The following FHAD1 variants were observed in gnomAD, a reference collection of about 807,000 sequenced individuals.
FHAD1 encodes the protein forkhead associated phosphopeptide binding domain 1.
Under a neutral mutation model 191.3 loss-of-function variants are expected in FHAD1, and 146 were observed. That is an observed-to-expected ratio of 0.76 (90% CI 0.67 to 0.88). The LOEUF (loss-of-function observed/expected upper bound fraction) is 0.88. FHAD1 is among the 40% of genes least tolerant of loss of function. FHAD1 has a pLI of 0.00. For synonymous variants in FHAD1, 616 were observed against 672.3 expected, an observed-to-expected ratio of 0.92 and a Z score of 1.29; for missense variants, 1,635 against 1,785.8, an observed-to-expected ratio of 0.92 and a Z score of 1.52.
intron 26 of FHAD1, among the ~76,000 whole-genome samples, chr1:15,371,663 G>C (rs1698137893): frequency 6.6e-6 from 1 of 152,206 alleles, no homozygotes; most frequent in Admixed American, 6.5e-5. Context: ...CAGAGAGACA[G>C]AGAGCAAGGG....
intron 10 of FHAD1, among the ~76,000 whole-genome samples, chr1:15,320,002 C>T (rs566858300): frequency 3.9e-5 from 6 of 152,210 alleles, no homozygotes; most frequent in East Asian, 3.8e-4. Flanking sequence ...ATCAATTTTT[C>T]TCTAAACAAG....
chr1:15,263,361 C>A (rs1329431627), intron 2 of FHAD1, among the ~76,000 whole-genome samples: 1 of 151,880 alleles, frequency 6.6e-6, no homozygotes, highest in African/African-American at 2.4e-5. Context: ...GGTGTCATTG[C>A]CAAGAAATAA....
intron 5 of FHAD1, 63 bp downstream of exon 5, chr1:15,296,856 C>A: frequency 7.5e-7 from 1 of 1,339,506 alleles, no homozygotes; most frequent in Non-Finnish European, 1.0e-6. Context: ...AGGGACTTGC[C>A]GATGCCTGTT....
intron 1 of FHAD1, among the ~76,000 whole-genome samples, chr1:15,248,747 G>A (rs1157909281): frequency 2.7e-5 from 4 of 150,852 alleles, no homozygotes; most frequent in Non-Finnish European, 4.4e-5. Flanking sequence ...CACCATGCCC[G>A]GCTAATTTTT....
chr1:15,373,544 T>C (rs1245116387), intron 26 of FHAD1, among the ~76,000 whole-genome samples: 1 of 150,532 alleles, frequency 6.6e-6, no homozygotes, highest in Non-Finnish European at 1.5e-5. Context: ...CCTTTCTTTG[T>C]CTGTGCTCTT....
At chr1:15,331,270 A>T in intron 14 of FHAD1, among the ~76,000 whole-genome samples, 1 of 151,844 alleles carries the variant, frequency 6.6e-6, no homozygotes, top group East Asian at 1.9e-4. Flanking sequence ...GGTAATAATG[A>T]TGTATCCTCA....
At chr1:15,347,411 G>A (rs887810345) in intron 18 of FHAD1, among the ~76,000 whole-genome samples, 7 of 152,266 alleles carry the variant, frequency 4.6e-5, no homozygotes, top group East Asian at 1.9e-4. Context: ...GCTTCCTATC[G>A]GGGGAATTTG....
Position 15,381,561 on chromosome 1 carries a change from C to G in FHAD1, c.4022+110C>G. ...CCTGGGACAGGAGGACAGAGACCCA[C>G]GTGTGGAATACCTGCAATGTCAGAA... On this transcript the variant is annotated intron_variant, in intron 30 of 33. Coordinates refer to ENST00000688493, the MANE Select transcript of FHAD1 (RefSeq NM_001391957.1). This position sits in a 1 kb window ranked among gnomAD's most constrained non-coding sequence, Gnocchi z 4.6. The G allele has an allele frequency of 1.3e-6, 1 of 785,054 alleles. No homozygotes were observed. The highest frequency in any genetic ancestry group is 2.1e-6 in the Non-Finnish European group (1 of 483,828). 48.6% of individuals were successfully genotyped at this position (785,054 alleles called of 1,614,324 possible).
chr1:15,266,666 A>G (rs1653663819), intron 2 of FHAD1, among the ~76,000 whole-genome samples: 1 of 152,194 alleles, frequency 6.6e-6, no homozygotes, highest in African/African-American at 2.4e-5. Flanking sequence ...TGACATAGGC[A>G]TAATGTCAGG....
chr1:15,258,584 CTT>C (rs951362853), intron 2 of FHAD1, among the ~76,000 whole-genome samples: 10 of 131,086 alleles, frequency 7.6e-5, no homozygotes, highest in Non-Finnish European at 1.4e-4. Context: ...CTCTGTCTCT[CTT>C]TTTTTTTTTT....
intron 14 of FHAD1, among the ~76,000 whole-genome samples, chr1:15,331,004 G>A (rs1681087357): frequency 6.6e-6 from 1 of 152,068 alleles, no homozygotes; most frequent in Admixed American, 6.5e-5. Context: ...GAAGATTCAG[G>A]GGCGAGTAAG....
At chr1:15,301,515 T>C in intron 6 of FHAD1, 74 bp downstream of exon 6, 1 of 1,330,318 alleles carries the variant, frequency 7.5e-7, no homozygotes. Context: ...CCAACCAAGG[T>C]GAGCCACCCA....
In FHAD1 at chr1:15,349,047, G is replaced by C; in HGVS notation, c.2352G>C (p.Leu784Phe). 1 of 1,549,394 alleles carries C rather than the reference G, an allele frequency of 6.5e-7. No homozygotes were observed. The highest frequency in any genetic ancestry group is 8.7e-7 in the Non-Finnish European group (1 of 1,145,720). ...EERLARQKEVLESSIAHEKRK... is the reference protein window; with the variant it reads ...EERLARQKEVFESSIAHEKRK... ...CACTGGTCGTTGATTTTCAGGTTTT[G>C]GAGAGCAGCATAGCCCATGAAAAAA... The change falls in exon 19 of 34, where the codon TTG becomes TTC. Residue 784 changes from leucine to phenylalanine, a missense_variant. Coordinates refer to ENST00000688493, the MANE Select transcript of FHAD1 (RefSeq NM_001391957.1).
rs55698715 is a variant in FHAD1 at position 15,333,824 on chromosome 1, CTTTTTTTTTTT to C, written c.1906+4299_1906+4309del. Among the ~76,000 whole-genome samples the C allele has an allele frequency of 4.5e-4, 29 of 64,812 alleles. 1 individual carries two copies. Among genetic ancestry groups the C allele is most frequent in the Admixed American group, 4.3e-3 (20 of 4,650 alleles). The allele number at this position is 64,812 out of a possible 152,430, so 42.5% of individuals were successfully genotyped here. On this transcript the variant is annotated intron_variant, in intron 14 of 33. Coordinates refer to ENST00000688493, the MANE Select transcript of FHAD1 (RefSeq NM_001391957.1). Reference sequence around the variant, plus strand: ...TGATTACCATCTTTATTTTATTTATCTTTTTTTTTTTTTTTTTTTTTTTTTTGAGTAAAAGT... The same window carrying C: ...TGATTACCATCTTTATTTTATTTATCTTTTTTTTTTTTTTTGAGTAAAAGT...
intron 20 of FHAD1, 157 bp from the exon 21 acceptor site, chr1:15,357,953 G>A (rs946944908): frequency 1.6e-5 from 9 of 575,566 alleles, no homozygotes; most frequent in Non-Finnish European, 9.0e-6. Flanking sequence ...ATAATAATTG[G>A]AACCTTCCAG....
At chr1:15,324,987 A>G (rs1287004738) in intron 11 of FHAD1, 2 of 195,024 alleles carry the variant, frequency 1.0e-5, no homozygotes, top group Non-Finnish European at 2.2e-5. Flanking sequence ...AATAAGGTAA[A>G]ACCCTGGAGT....
At chr1:15,320,581 A>G (rs1675922579) in intron 10 of FHAD1, among the ~76,000 whole-genome samples, 1 of 152,178 alleles carries the variant, frequency 6.6e-6, no homozygotes, top group Non-Finnish European at 1.5e-5. Context: ...TATCGAATCA[A>G]ATCTTTGGCT....
intron 6 of FHAD1, among the ~76,000 whole-genome samples, chr1:15,303,572 G>A (rs901309035): frequency 2.6e-5 from 4 of 152,110 alleles, no homozygotes; most frequent in South Asian, 2.1e-4. Flanking sequence ...CTCTGTAGCC[G>A]GGCGTGGTGG....
intron 31 of FHAD1, chr1:15,383,366 C>T: frequency 7.3e-6 from 3 of 412,904 alleles, no homozygotes; most frequent in Non-Finnish European, 1.5e-5. Context: ...CTGCCCATGA[C>T]CCATGCTGCC....
Sources: allele counts gnomAD v4.1 joint callset (sites outside exome capture counted in the v4.1 genomes callset), GRCh38; gene constraint gnomAD v4.1.1; non-coding constraint Gnocchi (gnomAD v3.1); transcripts MANE v1.5; gene names NCBI Gene and HGNC (gene_info 2026-07-23, HGNC 2026-07-21).